The following SPOP variants were observed in gnomAD, a reference collection of about 807,000 sequenced individuals.
The protein encoded by SPOP is speckle type BTB/POZ protein.
In SPOP, 11 loss-of-function variants were observed where a neutral mutation model predicts 45.6. That is an observed-to-expected ratio of 0.24 (90% CI 0.15 to 0.40). SPOP has a LOEUF of 0.40. Among genes scored for constraint, SPOP ranks in the 10% least tolerant of loss-of-function variants. The probability of loss-of-function intolerance (pLI) is 1.00; values close to 1 mark genes in which losing one functional copy is unlikely to be tolerated. For missense variants in SPOP, 152 were observed against 465.6 expected, an observed-to-expected ratio of 0.33 and a Z score of 6.20; for synonymous variants, 166 against 166.3, an observed-to-expected ratio of 1.00 and a Z score of 0.01.
intron 1 of SPOP, among the ~76,000 whole-genome samples, chr17:49,675,560 G>A (rs1406163588): frequency 2.0e-5 from 3 of 152,126 alleles, no homozygotes; most frequent in Non-Finnish European, 4.4e-5. Flanking sequence ...TTTGAATTTT[G>A]TTTCATATGT....
chr17:49,637,998 AC>A (rs1330095001), intron 1 of SPOP, among the ~76,000 whole-genome samples: 1 of 152,218 alleles, frequency 6.6e-6, no homozygotes, highest in Admixed American at 6.5e-5. Flanking sequence ...GGCACACGCC[AC>A]CATGCCTGGC....
At chr17:49,615,849 T>C (rs1013549219) in intron 5 of SPOP, among the ~76,000 whole-genome samples, 2 of 152,272 alleles carry the variant, frequency 1.3e-5, no homozygotes, top group Admixed American at 1.3e-4. Context: ...TGCTGCACAA[T>C]GTTAGGAAAA....
chr17:49,644,229 C>T (rs1008610798), intron 1 of SPOP, among the ~76,000 whole-genome samples: 3 of 151,950 alleles, frequency 2.0e-5, no homozygotes, highest in African/African-American at 4.8e-5. Flanking sequence ...AAATAAAATG[C>T]GAAGTTGCCA....
rs1390595775 is a variant in SPOP, at chr17:49,673,223, C to T, written c.-67+4710G>A. Among the ~76,000 whole-genome samples, 4 of 151,992 alleles carry T rather than the reference C, an allele frequency of 2.6e-5. No individual in the cohort carries two copies. The East Asian group carries it at 5.8e-4, about 22-fold the overall frequency. On this transcript the variant is annotated intron_variant, in intron 1 of 9. Coordinates refer to ENST00000504102, the MANE Select transcript of SPOP (RefSeq NM_001007228.2). The stretch of plus-strand genomic sequence containing the variant: ...ATTTATATATTTAAATATATATGCA[C>T]GGCTGGGCACGGTGGCTCACGCCTG...
chr17:49,599,560 C>A lies in SPOP; in HGVS notation c.*818G>T, dbSNP rs1056404854. 4.7e-6 allele frequency: 1 copy of A among 214,242 alleles called. No homozygotes were observed. Among genetic ancestry groups the A allele is most frequent in the Non-Finnish European group, 9.3e-6 (1 of 107,084 alleles). 13.3% of individuals were successfully genotyped at this position (214,242 alleles called of 1,614,324 possible). The stretch of plus-strand genomic sequence containing the variant: ...AGGGGTGGGGGAGAAGAAATAAAAT[C>A]AGAGAAAAATGCCCAAAAACATTTT... On this transcript the variant is annotated 3_prime_UTR_variant, in exon 10 of 10. Coordinates refer to ENST00000504102, the MANE Select transcript of SPOP (RefSeq NM_001007228.2).
chr17:49,600,173 C>G lies in SPOP; in HGVS notation c.*205G>C. On this transcript the variant is annotated 3_prime_UTR_variant, in exon 10 of 10. Transcript: ENST00000504102. The surrounding 1 kb of genome is among the most constrained non-coding windows in gnomAD (Gnocchi z 4.2). ...GGCCAAAGGGAACACAGTGACGCAG[C>G]AACAGGGTTTTCATTTCATTTTCCC... 1.4e-6 allele frequency: 1 copy of G among 692,830 alleles called. No homozygotes were observed. The highest frequency in any genetic ancestry group is 2.4e-6 in the Non-Finnish European group (1 of 408,842). The allele number at this position is 692,830 out of a possible 1,614,324, so 42.9% of individuals were successfully genotyped here.
chr17:49,635,632 CTTT>C (rs11451249), intron 1 of SPOP, among the ~76,000 whole-genome samples: 5 of 121,630 alleles, frequency 4.1e-5, no homozygotes, highest in African/African-American at 9.2e-5. Flanking sequence ...AGGTATCTCT[CTTT>C]TTTTTTTTTT....
At chr17:49,667,626 G>C (rs1356556283) in intron 1 of SPOP, among the ~76,000 whole-genome samples, 1 of 152,252 alleles carries the variant, frequency 6.6e-6, no homozygotes, top group East Asian at 1.9e-4. Context: ...CTGCAGAGAG[G>C]TTAGCACTTT....
At chr17:49,617,899 G>A (rs930747262) in intron 5 of SPOP, among the ~76,000 whole-genome samples, 4 of 150,050 alleles carry the variant, frequency 2.7e-5, no homozygotes, top group Non-Finnish European at 5.9e-5. Context: ...ACTCTAGCCT[G>A]GGTGACAGAG....
At chr17:49,606,299 G>A (rs929364067) in intron 8 of SPOP, among the ~76,000 whole-genome samples, 10 of 151,582 alleles carry the variant, frequency 6.6e-5, no homozygotes, top group Admixed American at 3.3e-4. Flanking sequence ...GACTATGGGC[G>A]TGCACCATCA....
chr17:49,637,313 ATAT>A (rs1299953248), intron 1 of SPOP, among the ~76,000 whole-genome samples: 2 of 152,198 alleles, frequency 1.3e-5, no homozygotes, highest in African/African-American at 4.8e-5. Flanking sequence ...TCTCAAAAAA[ATAT>A]TATACTTAGA....
rs1383506634 is a variant in SPOP, at chr17:49,599,031, G to C, written c.*1347C>G. On this transcript the variant is annotated 3_prime_UTR_variant, in exon 10 of 10. Transcript: ENST00000504102. ...CCCACTACCATTACTTGCCTTGGCA[G>C]AGGTAGGGGCCTGATCCCTCATCAG... is the stretch of plus-strand genomic sequence containing the variant. The C allele has an allele frequency of 4.9e-6, 1 of 205,544 alleles. No homozygotes were observed. The highest frequency in any genetic ancestry group is 1.0e-5 in the Non-Finnish European group (1 of 100,230). 12.7% of individuals were successfully genotyped at this position (205,544 alleles called of 1,614,324 possible).
intron 1 of SPOP, among the ~76,000 whole-genome samples, chr17:49,653,961 AGT>A (rs1329600636): frequency 1.3e-5 from 2 of 152,060 alleles, no homozygotes; most frequent in African/African-American, 4.8e-5. Flanking sequence ...ATTCAAGGAG[AGT>A]AGGTGAGCAA....
chr17:49,645,921 C>A (rs887890248), intron 1 of SPOP, among the ~76,000 whole-genome samples: 1 of 151,888 alleles, frequency 6.6e-6, no homozygotes, highest in African/African-American at 2.4e-5. Context: ...TTGCTTTCAA[C>A]TGCTAGCAAG....
intron 6 of SPOP, among the ~76,000 whole-genome samples, chr17:49,609,417 C>T (rs1212627586): frequency 6.6e-6 from 1 of 152,054 alleles, no homozygotes; most frequent in African/African-American, 2.4e-5. Flanking sequence ...CCAAAGCAGC[C>T]AGGTCTTGAG....
intron 1 of SPOP, among the ~76,000 whole-genome samples, chr17:49,631,933 T>A (rs934693664): frequency 1.3e-5 from 2 of 152,250 alleles, no homozygotes; most frequent in African/African-American, 4.8e-5. Context: ...TTTATTTTCT[T>A]CTTTATTACC....
intron 1 of SPOP, among the ~76,000 whole-genome samples, chr17:49,639,115 G>C (rs981881088): frequency 6.6e-6 from 1 of 152,198 alleles, no homozygotes; most frequent in African/African-American, 2.4e-5. Context: ...TCTGAGGATA[G>C]AAAGATAGAA....
chr17:49,644,295 TTC>T (rs1318175033), intron 1 of SPOP, among the ~76,000 whole-genome samples: 1 of 152,220 alleles, frequency 6.6e-6, no homozygotes, highest in Non-Finnish European at 1.5e-5. Flanking sequence ...GAGCCTCTCA[TTC>T]TCTGATAAAA....
chr17:49,634,588 T>G (rs1038415053), intron 1 of SPOP, among the ~76,000 whole-genome samples: 1 of 152,200 alleles, frequency 6.6e-6, no homozygotes, highest in African/African-American at 2.4e-5. Context: ...AGGCTGGCCC[T>G]AATACTATTT....
Sources: gnomAD v4.1 joint callset for allele counts (sites outside exome capture counted in the v4.1 genomes callset) on GRCh38, gnomAD v4.1.1 for gene constraint, Gnocchi (gnomAD v3.1) non-coding constraint, MANE v1.5 for transcripts, NCBI Gene and HGNC (gene_info 2026-07-23, HGNC 2026-07-21) for gene names.